Variants in PTGS2 observed in about 807,000 individuals in gnomAD.
PTGS2 encodes the protein prostaglandin G/H synthase 2.
A neutral mutation model predicts 63.8 loss-of-function variants in PTGS2; 14 were observed. The observed-to-expected ratio is 0.22, with a 90% CI of 0.14 to 0.34. The LOEUF is 0.34. Ranked by LOEUF, PTGS2 falls within the 10% of genes least tolerant of loss-of-function variation. The probability of loss-of-function intolerance (pLI) is 1.00; values close to 1 mark genes in which losing one functional copy is unlikely to be tolerated. For synonymous variants in PTGS2, 271 were observed against 259.5 expected, an observed-to-expected ratio of 1.04 and a Z score of -0.43; for missense variants, 533 against 738.5, an observed-to-expected ratio of 0.72 and a Z score of 3.23.
In PTGS2 at chr1:186,672,918, T is replaced by TC. The variant is rs1665714525; in HGVS notation, c.*1434_*1435insG. On this transcript the variant is annotated 3_prime_UTR_variant, in exon 10 of 10. Coordinates refer to ENST00000367468, the MANE Select transcript of PTGS2 (RefSeq NM_000963.4). Reference sequence around the variant, plus strand: ...CTTTTTTTTTCTCTTTTAATCTTCTTAAGAGGAGCTAAATAGCAGTCCTGA... The same window carrying TC: ...CTTTTTTTTTCTCTTTTAATCTTCTTCAAGAGGAGCTAAATAGCAGTCCTGA... 6.6e-6 allele frequency: 1 copy of TC among 152,076 alleles called. No homozygotes were observed. Among genetic ancestry groups the TC allele is most frequent in the African/African-American group, 2.4e-5 (1 of 41,412 alleles). 9.4% of individuals were successfully genotyped at this position (152,076 alleles called of 1,614,324 possible). A position where few individuals can be genotyped will look rare whatever the true frequency, so the allele number is the denominator to read the frequency against.
chr1:186,679,278 T>C, intron 2 of PTGS2, 44 bp downstream of exon 2: 3 of 1,612,866 alleles, frequency 1.9e-6, no homozygotes, highest in East Asian at 2.2e-5. Flanking sequence ...ATGATAACTG[T>C]ATCCAGCCCC....
intron 1 of PTGS2, 56 bp downstream of exon 1, chr1:186,680,183 A>C: frequency 1.3e-6 from 2 of 1,549,712 alleles, no homozygotes; most frequent in Non-Finnish European, 1.7e-6. Flanking sequence ...TCAGAGCGGA[A>C]ACTCTGCCCG....
At position 186,677,814 on chromosome 1, in the gene PTGS2, A is replaced by G. The variant is rs1665808175; in HGVS notation, c.474T>C (p.Pro158=). The change falls in exon 5 of 10, where the codon CCT becomes CCC. Residue 158 remains proline (P), a synonymous_variant. Transcript: ENST00000367468. ...ATTTTTCCACAATCTCATTTGAATC[A>G]GGAAGCTGCTTTTTACCTGAAAAAT... ...PLGVKGKKQL[P]DSNEIVEKLL... The G allele has an allele frequency of 3.1e-6, 5 of 1,613,440 alleles. No individual in the cohort carries two copies. The highest frequency in any genetic ancestry group is 4.2e-6 in the Non-Finnish European group (5 of 1,179,828).
At chr1:186,677,278 G>A (rs771450712) in intron 5 of PTGS2, among the ~76,000 whole-genome samples, 13 of 152,050 alleles carry the variant, frequency 8.5e-5, no homozygotes, top group Admixed American at 1.3e-4. Flanking sequence ...ATAATAATGC[G>A]GCAAAAACCT....
chr1:186,678,673 G>A (rs929463134), intron 3 of PTGS2, among the ~76,000 whole-genome samples: 1 of 152,144 alleles, frequency 6.6e-6, no homozygotes, highest in Non-Finnish European at 1.5e-5. Flanking sequence ...CCTATGAAAG[G>A]AATGGCTGAG....
At chr1:186,678,149 A>G (rs915983855) in intron 4 of PTGS2, 112 bp downstream of exon 4, 43 of 1,177,420 alleles carry the variant, frequency 3.7e-5, no homozygotes, top group Non-Finnish European at 4.1e-5. Context: ...TGCTAAAAGT[A>G]AAAACTGCTT....
At position 186,677,808 on chromosome 1, in the gene PTGS2, T is replaced by G; in HGVS notation, c.480A>C (p.Ser160=). ...GAAGCAATTTTTCCACAATCTCATT[T>G]GAATCAGGAAGCTGCTTTTTACCTG... ...GVKGKKQLPD[S]NEIVEKLLLR... Residue 160 remains serine, a synonymous_variant, in exon 5 of 10, where the codon TCA becomes TCC. Coordinates refer to ENST00000367468, the MANE Select transcript of PTGS2 (RefSeq NM_000963.4). 6.2e-7 allele frequency: 1 copy of G among 1,613,658 alleles called. No individual in the cohort carries two copies. The highest frequency in any genetic ancestry group is 8.5e-7 in the Non-Finnish European group (1 of 1,179,854).
chr1:186,674,323 T>C lies in PTGS2; in HGVS notation c.*30A>G, dbSNP rs199738725. ...TAATTAAATTAATAGACATGGTTCA[T>C]ATAAATAAATAAATATGATCATTAG... On this transcript the variant is annotated 3_prime_UTR_variant, in exon 10 of 10. Coordinates refer to ENST00000367468, the MANE Select transcript of PTGS2 (RefSeq NM_000963.4). 4.4e-6 allele frequency: 6 copies of C among 1,364,054 alleles called. No individual in the cohort carries two copies. Among genetic ancestry groups the C allele is most frequent in the East Asian group, 2.5e-5 (1 of 40,608 alleles). 84.5% of individuals were successfully genotyped at this position (1,364,054 alleles called of 1,614,324 possible).
intron 1 of PTGS2, 92 bp downstream of exon 1, chr1:186,680,147 C>A: frequency 6.6e-7 from 1 of 1,525,890 alleles, no homozygotes; most frequent in South Asian, 1.2e-5. Flanking sequence ...GGAGAGAAGT[C>A]GGAGTACTGG....
At position 186,673,379 on chromosome 1, in the gene PTGS2, AG is replaced by A. The variant is rs1665724213; in HGVS notation, c.*973del. The A allele has an allele frequency of 6.6e-6, 1 of 152,210 alleles. No homozygotes were observed. The highest frequency in any genetic ancestry group is 2.4e-5 in the African/African-American group (1 of 41,470). 9.4% of individuals were successfully genotyped at this position (152,210 alleles called of 1,614,324 possible). On this transcript the variant is annotated 3_prime_UTR_variant, in exon 10 of 10. Transcript: ENST00000367468. ...CCTGCAGTGCACAAGGATAAAAAAA[AG>A]TTTGCTTCAAAAGTTTAAACCTAAA... is the stretch of plus-strand genomic sequence containing the variant.
rs549458911 is a variant in PTGS2, at chr1:186,676,195, A to G, written c.971-11T>C. ...TCTTAATAGTCTCTCCTATTTGCAC[A>G]AAATAAATAATAAAAACATTTATTG... On this transcript the variant is annotated splice_polypyrimidine_tract_variant and intron_variant, in intron 7 of 9. Transcript: ENST00000367468. The G allele has an allele frequency of 1.3e-6, 2 of 1,574,074 alleles. No individual in the cohort carries two copies. The highest frequency in any genetic ancestry group is 2.3e-5 in the South Asian group (2 of 85,870).
chr1:186,676,324 T>C, intron 7 of PTGS2, 140 bp from the exon 8 acceptor site: 1 of 1,367,252 alleles, frequency 7.3e-7, no homozygotes, highest in Non-Finnish European at 9.9e-7. Flanking sequence ...AGCTATTTTA[T>C]CAGTCATGCT....
rs199735403 is a variant in PTGS2 at position 186,677,691 on chromosome 1, A to G, written c.597T>C (p.Asp199=). 8 of 1,613,732 alleles carry G rather than the reference A, an allele frequency of 5.0e-6. No individual in the cohort carries two copies. The highest frequency in any genetic ancestry group is 1.1e-5 in the South Asian group (1 of 90,982). ...TGGTGAAAGCTGGCCCTCGCTTATG[A>G]TCTGTCTTGAAAAACTGATGCGTGA... is the stretch of plus-strand genomic sequence containing the variant. The part of the protein sequence containing the change: ...QHFTHQFFKT[D]HKRGPAFTNG... Residue 199 remains aspartate (D), a synonymous_variant, in exon 5 of 10, where the codon GAT becomes GAC. Transcript: ENST00000367468.
chr1:186,676,739 C>T, intron 6 of PTGS2, 26 bp from the exon 7 acceptor site: 1 of 1,598,462 alleles, frequency 6.3e-7, no homozygotes, highest in African/African-American at 1.3e-5. Context: ...AATAAATAAA[C>T]ATCAGTTAAA....
rs1208131362 is a variant in PTGS2 at position 186,680,343 on chromosome 1, T to C, written c.-53A>G. 1.4e-6 allele frequency: 2 copies of C among 1,417,580 alleles called. No individual in the cohort carries two copies. The highest frequency in any genetic ancestry group is 4.5e-5 in the Admixed American group (2 of 44,084). The allele number at this position is 1,417,580 out of a possible 1,614,324, so 87.8% of individuals were successfully genotyped here. ...GGGTAGGCTTTGCTGTCTGAGGGCG[T>C]CTGGCTGTGGAGCTGAAGGAGGCGC... On this transcript the variant is annotated 5_prime_UTR_variant, in exon 1 of 10. Transcript: ENST00000367468.
chr1:186,672,701 G>A lies in PTGS2; in HGVS notation c.*1652C>T, dbSNP rs1390576462. On this transcript the variant is annotated 3_prime_UTR_variant, in exon 10 of 10. Transcript: ENST00000367468. ...GCTGAGAACTACTTAGATATCATTT[G>A]GTTTTGTTTTTAAATAAGAAAGGGC... 1 of 152,400 alleles carries A rather than the reference G, an allele frequency of 6.6e-6. No individual in the cohort carries two copies. Among genetic ancestry groups the A allele is most frequent in the African/African-American group, 2.4e-5 (1 of 41,366 alleles). 9.4% of individuals were successfully genotyped at this position (152,400 alleles called of 1,614,324 possible). A position where few individuals can be genotyped will look rare whatever the true frequency, so the allele number is the denominator to read the frequency against.
At chr1:186,678,536 T>C (rs756267965) in intron 3 of PTGS2, 132 bp from the exon 4 acceptor site, 80 of 809,980 alleles carry the variant, frequency 9.9e-5, no homozygotes, top group Non-Finnish European at 1.4e-4. Context: ...AAATCTATTT[T>C]TAAACAACTA....
chr1:186,674,819 A>C (rs978248464), intron 9 of PTGS2, 57 bp from the exon 10 acceptor site: 1 of 1,507,908 alleles, frequency 6.6e-7, no homozygotes, highest in Middle Eastern at 1.8e-4. Flanking sequence ...AAAATAAAAA[A>C]CAGTTTGATT....
In PTGS2 at chr1:186,680,407, C is replaced by A; in HGVS notation, c.-117G>T. ...CTGGACGTGCTCCTGACGCTCACTG[C>A]AAGTCGTATGACAATTGGTCGCTAA... On this transcript the variant is annotated 5_prime_UTR_variant, in exon 1 of 10. Transcript: ENST00000367468. 2 of 685,358 alleles carry A rather than the reference C, an allele frequency of 2.9e-6. No homozygotes were observed. The highest frequency in any genetic ancestry group is 1.9e-5 in the South Asian group (1 of 52,216). The allele number at this position is 685,358 out of a possible 1,614,324, so 42.5% of individuals were successfully genotyped here. A position where few individuals can be genotyped will look rare whatever the true frequency, so the allele number is the denominator to read the frequency against.
Sources: allele counts gnomAD v4.1 joint callset (sites outside exome capture counted in the v4.1 genomes callset), GRCh38; gene constraint gnomAD v4.1.1; transcripts MANE v1.5; gene names NCBI Gene and HGNC (gene_info 2026-07-23, HGNC 2026-07-21).